SORCS3: variants seen among roughly 807,000 people sequenced by gnomAD.
SORCS3 encodes VPS10 domain-containing receptor SorCS3.
A neutral mutation model predicts 146.3 loss-of-function variants in SORCS3; 57 were observed. That is an observed-to-expected ratio of 0.39 (90% confidence interval 0.31 to 0.49). The LOEUF (loss-of-function observed/expected upper bound fraction) is 0.49, where lower values mean the gene tolerates loss of function less well. Among genes scored for constraint, SORCS3 ranks in the 20% least tolerant of loss-of-function variants. SORCS3 has a pLI of 0.92. For synonymous variants in SORCS3, 653 were observed against 618.5 expected, an observed-to-expected ratio of 1.06 and a Z score of -0.83; for missense variants, 1,341 against 1,575.5, an observed-to-expected ratio of 0.85 and a Z score of 2.52.
intron 5 of SORCS3, among the ~76,000 whole-genome samples, chr10:105,051,996 G>C (rs1284342562): frequency 1.3e-5 from 2 of 152,106 alleles, no homozygotes; most frequent in Non-Finnish European, 1.5e-5. Flanking sequence ...CTGTCTTAAT[G>C]CTAAGACTAA....
rs555315392 is a variant in SORCS3, at chr10:104,898,529, A to G, written c.696-17304A>G. Among the ~76,000 whole-genome samples the G allele has an allele frequency of 8.5e-5, 13 of 152,268 alleles. No homozygotes were observed. The South Asian group carries it at 2.7e-3, about 32-fold the overall frequency. ...CAAAACCCTGGAACCTCACTGTTAT[A>G]TTCCTGTGGCAGGGACTGATTAGAT... On this transcript the variant is annotated intron_variant, in intron 2 of 26. Transcript: ENST00000369701.
intron 20 of SORCS3, among the ~76,000 whole-genome samples, chr10:105,229,773 G>C (rs564813456): frequency 6.6e-6 from 1 of 152,142 alleles, no homozygotes; most frequent in South Asian, 2.1e-4. Flanking sequence ...CTATTTAGGG[G>C]CCTCAGAGCA....
At chr10:105,130,100 G>A (rs530942116) in intron 7 of SORCS3, among the ~76,000 whole-genome samples, 15 of 152,150 alleles carry the variant, frequency 9.9e-5, no homozygotes, top group East Asian at 1.9e-4. Flanking sequence ...CAAGGCTAAA[G>A]CTCTTTCTAT....
At chr10:105,036,102 G>T (rs936795322) in intron 4 of SORCS3, among the ~76,000 whole-genome samples, 1 of 152,180 alleles carries the variant, frequency 6.6e-6, no homozygotes, top group Non-Finnish European at 1.5e-5. Context: ...AGGGCCAAGT[G>T]AATGGTACTT....
intron 3 of SORCS3, among the ~76,000 whole-genome samples, chr10:104,966,118 A>G (rs984180154): frequency 4.0e-5 from 6 of 151,742 alleles, no homozygotes; most frequent in Non-Finnish European, 7.4e-5. Flanking sequence ...CACATGTTTT[A>G]CAGCATCCCT....
chr10:105,218,230 C>A (rs1358544339), intron 19 of SORCS3, among the ~76,000 whole-genome samples: 2 of 152,168 alleles, frequency 1.3e-5, no homozygotes, highest in Non-Finnish European at 2.9e-5. Flanking sequence ...AAATGCCAGG[C>A]TACATGGCCA....
rs1039710132 is a variant in SORCS3 at position 105,132,456 on chromosome 10, A to C, written c.1213-6941A>C. On this transcript the variant is annotated intron_variant, in intron 7 of 26. Coordinates refer to ENST00000369701, the MANE Select transcript of SORCS3 (RefSeq NM_014978.3). ...ACTTATAAATTCTAGAAACAGTTTA[A>C]GTTTTCTCCTGTGACAGAAATAGGC... 2.0e-5 allele frequency among the ~76,000 whole-genome samples: 3 copies of C among 152,300 alleles called. No homozygotes were observed. The South Asian group carries it at 6.2e-4, about 32-fold the overall frequency.
intron 1 of SORCS3, among the ~76,000 whole-genome samples, chr10:104,694,729 A>C (rs999025780): frequency 1.3e-5 from 2 of 152,106 alleles, no homozygotes; most frequent in Non-Finnish European, 2.9e-5. Flanking sequence ...TCATTCCCAC[A>C]CAGGAGTTTG....
chr10:104,763,339 T>C (rs999670141), intron 1 of SORCS3, among the ~76,000 whole-genome samples: 1 of 152,178 alleles, frequency 6.6e-6, no homozygotes, highest in Non-Finnish European at 1.5e-5. Flanking sequence ...TATCAGGGAG[T>C]ACATTTTCAT....
At position 104,792,317 on chromosome 10, in the gene SORCS3, G is replaced by C. The variant is rs373343802; in HGVS notation, c.628-50475G>C. The stretch of plus-strand genomic sequence containing the variant: ...TTGGTAGGGAGATGGTGGAAGATCT[G>C]TAGTAGGGCTTCCACACTAACCTGG... On this transcript the variant is annotated intron_variant, in intron 1 of 26. Coordinates refer to ENST00000369701, the MANE Select transcript of SORCS3 (RefSeq NM_014978.3). Among the ~76,000 whole-genome samples, 159 of 152,300 alleles carry C rather than the reference G, an allele frequency of 1.0e-3. 1 individual carries two copies. The highest frequency in any genetic ancestry group is 3.5e-3 in the African/African-American group (146 of 41,558).
chr10:104,902,886 A>T (rs966785920), intron 2 of SORCS3, among the ~76,000 whole-genome samples: 1 of 152,170 alleles, frequency 6.6e-6, no homozygotes, highest in African/African-American at 2.4e-5. Flanking sequence ...GGAGAGCAGG[A>T]ATTCTAACCT....
At chr10:104,709,512 C>T (rs1183581926) in intron 1 of SORCS3, among the ~76,000 whole-genome samples, 1 of 152,138 alleles carries the variant, frequency 6.6e-6, no homozygotes, top group Non-Finnish European at 1.5e-5. Flanking sequence ...TCATGTAATA[C>T]TAAAAGTACA....
At chr10:105,154,437 T>C (rs1330039951) in intron 9 of SORCS3, among the ~76,000 whole-genome samples, 1 of 152,196 alleles carries the variant, frequency 6.6e-6, no homozygotes, top group Non-Finnish European at 1.5e-5. Context: ...GGGCCTGCTG[T>C]CAGTTTCCCT....
At chr10:105,112,349 G>T (rs2055864240) in intron 7 of SORCS3, among the ~76,000 whole-genome samples, 1 of 152,118 alleles carries the variant, frequency 6.6e-6, no homozygotes, top group South Asian at 2.1e-4. Context: ...TTGAAATGAT[G>T]ATTAGGACGG....
chr10:105,189,551 A>G (rs1021461104), intron 14 of SORCS3, among the ~76,000 whole-genome samples: 2 of 152,166 alleles, frequency 1.3e-5, no homozygotes, highest in African/African-American at 4.8e-5. Context: ...AGCCTTTCCT[A>G]GTTAACTGCA....
intron 13 of SORCS3, among the ~76,000 whole-genome samples, chr10:105,175,339 C>T (rs1300334048): frequency 6.6e-6 from 1 of 151,798 alleles, no homozygotes; most frequent in Non-Finnish European, 1.5e-5. Flanking sequence ...GGATTACAGG[C>T]CACTGCACCT....
At chr10:105,260,697 G>A (rs1002238032) in intron 25 of SORCS3, among the ~76,000 whole-genome samples, 32 of 152,198 alleles carry the variant, frequency 2.1e-4, no homozygotes, top group African/African-American at 7.5e-4. Flanking sequence ...ATCATTTGGA[G>A]TTGGAGCAGA....
intron 3 of SORCS3, among the ~76,000 whole-genome samples, chr10:104,971,973 A>G (rs1273920896): frequency 6.6e-6 from 1 of 152,208 alleles, no homozygotes; most frequent in Admixed American, 6.5e-5. Flanking sequence ...AATACTAAAA[A>G]GTTTGTCTAT....
In SORCS3 at chr10:105,262,522, G is replaced by A. The variant is rs199929796; in HGVS notation, c.3604+31G>A. On this transcript the variant is annotated intron_variant, in intron 26 of 26. Coordinates refer to ENST00000369701, the MANE Select transcript of SORCS3 (RefSeq NM_014978.3). ...TGCTCCTGCTCCACTAAGCTCCCCT[G>A]TTCTGTGTCCTCTAAACACTGGCCT... The A allele has an allele frequency of 1.1e-4, 180 of 1,600,858 alleles. 2 individuals carry two copies. The highest frequency in any genetic ancestry group is 2.7e-5 in the Non-Finnish European group (32 of 1,171,456).
Sources: allele counts gnomAD v4.1 joint callset (sites outside exome capture counted in the v4.1 genomes callset), GRCh38; gene constraint gnomAD v4.1.1; transcripts MANE v1.5; gene names NCBI Gene and HGNC (gene_info 2026-07-23, HGNC 2026-07-21).